The following BIRC3 variants were observed in gnomAD, a reference collection of about 807,000 sequenced individuals.
BIRC3 encodes the protein baculoviral IAP repeat containing 3, also known as baculoviral IAP repeat-containing protein 3.
Under a neutral mutation model 59.0 loss-of-function variants are expected in BIRC3, and 26 were observed. The observed-to-expected ratio is 0.44, with a 90% confidence interval of 0.32 to 0.61. The LOEUF is 0.61. BIRC3 is among the 20% of genes least tolerant of loss of function. The probability of loss-of-function intolerance (pLI) is 0.04; values close to 1 mark genes in which losing one functional copy is unlikely to be tolerated. For missense variants in BIRC3, 641 were observed against 711.5 expected, an observed-to-expected ratio of 0.90 and a Z score of 1.13; for synonymous variants, 243 against 249.2, an observed-to-expected ratio of 0.98 and a Z score of 0.24.
In BIRC3 at chr11:102,337,100, TG is replaced by T. The variant is rs761837224; in HGVS notation, c.1814del (p.Ter605=). The T allele has an allele frequency of 1.1e-5, 16 of 1,489,400 alleles. No individual in the cohort carries two copies. The highest frequency in any genetic ancestry group is 1.3e-5 in the Non-Finnish European group (15 of 1,125,756). 92.3% of individuals were successfully genotyped at this position (1,489,400 alleles called of 1,614,324 possible). On this transcript the variant is annotated frameshift_variant and stop_lost, in exon 9 of 9. Coordinates refer to ENST00000263464, the MANE Select transcript of BIRC3 (RefSeq NM_001165.5). LOFTEE classifies it high-confidence loss of function. ...GGGTACAGTTCGTACATTTCTTTCATGAAGAAGAACCAAAACATCGTCTAAA... is the reference window on the plus strand; with the variant it reads ...GGGTACAGTTCGTACATTTCTTTCATAAGAAGAACCAAAACATCGTCTAAA... ...IKGTVRTFLS[*>X]
intron 5 of BIRC3, among the ~76,000 whole-genome samples, 178 bp from the exon 6 acceptor site, chr11:102,330,821 C>G (rs1212676746): frequency 1.3e-5 from 2 of 152,156 alleles, no homozygotes; most frequent in African/African-American, 4.8e-5. Context: ...TATTTAATGA[C>G]TGAACGTGTA....
chr11:102,318,643 T>C (rs1169618636), intron 1 of BIRC3, among the ~76,000 whole-genome samples: 1 of 152,062 alleles, frequency 6.6e-6, no homozygotes, highest in Non-Finnish European at 1.5e-5. Context: ...GCCCAAAGGG[T>C]AGGGATGCCC....
Position 102,337,041 on chromosome 11 carries a change from T to A in BIRC3, c.1754T>A (p.Leu585Ter), listed in dbSNP as rs1224146569. ...LVVCKDCAPS[L>*]RKCPICRSTI... ...GTATGCAAAGATTGTGCTCCTTCTT[T>A]AAGAAAGTGTCCTATTTGTAGGAGT... Residue 585 changes from leucine (L) to a stop codon, truncating the protein, a stop_gained, in exon 9 of 9, where the codon TTA (leucine) becomes TAA (stop). Transcript: ENST00000263464. LOFTEE classifies it high-confidence loss of function. 1 of 1,598,678 alleles carries A rather than the reference T, an allele frequency of 6.3e-7. No homozygotes were observed. Among genetic ancestry groups the A allele is most frequent in the Non-Finnish European group, 8.5e-7 (1 of 1,176,614 alleles).
chr11:102,318,560 C>T (rs1409059157), intron 1 of BIRC3, among the ~76,000 whole-genome samples: 1 of 152,196 alleles, frequency 6.6e-6, no homozygotes, highest in Non-Finnish European at 1.5e-5. Context: ...TCTAAAAGAG[C>T]TTACTGTCTA....
chr11:102,334,562 T>C (rs1276305118), intron 6 of BIRC3, among the ~76,000 whole-genome samples: 1 of 152,198 alleles, frequency 6.6e-6, no homozygotes, highest in Non-Finnish European at 1.5e-5. Context: ...ACAAAGTCAG[T>C]GTATCTAAAA....
At position 102,323,348 on chromosome 11, in the gene BIRC3, T is replaced by C. The variant is rs1174748876; in HGVS notation, c.-1162T>C. On this transcript the variant is annotated 5_prime_UTR_variant, in exon 2 of 9. Coordinates refer to ENST00000263464, the MANE Select transcript of BIRC3 (RefSeq NM_001165.5). Reference sequence around the variant, plus strand: ...CAATGAAGTTCAGTTTTGTTATTGGTAGTTTGGGCAGAGTCTCTTTTTGCA... The same window carrying C: ...CAATGAAGTTCAGTTTTGTTATTGGCAGTTTGGGCAGAGTCTCTTTTTGCA... 1.6e-5 allele frequency: 3 copies of C among 193,410 alleles called. No individual in the cohort carries two copies. In the South Asian group the frequency reaches 5.8e-4, roughly 37 times the overall value. The allele number at this position is 193,410 out of a possible 1,614,324, so 12.0% of individuals were successfully genotyped here. A position where few individuals can be genotyped will look rare whatever the true frequency, so the allele number is the denominator to read the frequency against.
rs779632081 is a variant in BIRC3 at position 102,325,145 on chromosome 11, G to T, written c.636G>T (p.Leu212Phe). 1 of 1,613,844 alleles carries T rather than the reference G, an allele frequency of 6.2e-7. No individual in the cohort carries two copies. The highest frequency in any genetic ancestry group is 8.5e-7 in the Non-Finnish European group (1 of 1,179,896). ...CTTGCTTTGCCTGTGGTGGAAAATT[G>T]AGCAATTGGGAACCGAAGGATAATG... ...RVACFACGGK[L>F]SNWEPKDNAM... Residue 212 changes from leucine to phenylalanine, a missense_variant, in exon 2 of 9, where the codon TTG becomes TTT. Physicochemically the swap from Leu to Phe is conservative, Grantham distance 22. Transcript: ENST00000263464.
Position 102,324,963 on chromosome 11 carries a change from C to A in BIRC3, c.454C>A (p.Gln152Lys). The part of the protein sequence containing the change: ...PSNPVNSRAN[Q>K]DFSALMRSSY... ...AAATCCTGTAAACTCCAGAGCAAAT[C>A]AAGATTTTTCTGCCTTGATGAGAAG... The change falls in exon 2 of 9, where the codon CAA (glutamine) becomes AAA (lysine). Residue 152 changes from glutamine (Q) to lysine (K), a missense_variant. Coordinates refer to ENST00000263464, the MANE Select transcript of BIRC3 (RefSeq NM_001165.5). 1 of 1,614,146 alleles carries A rather than the reference C, an allele frequency of 6.2e-7. No homozygotes were observed. The highest frequency in any genetic ancestry group is 8.5e-7 in the Non-Finnish European group (1 of 1,180,018).
rs1002090542 is a variant in BIRC3, at chr11:102,323,547, G to A, written c.-963G>A. The A allele has an allele frequency of 2.3e-4, 43 of 187,626 alleles. No homozygotes were observed. The highest frequency in any genetic ancestry group is 5.6e-5 in the Non-Finnish European group (5 of 89,036). 11.6% of individuals were successfully genotyped at this position (187,626 alleles called of 1,614,324 possible). ...TTTATTTTAAATAGAATATTTAATT[G>A]TGTAAGATCTAATAGTATCATTATA... On this transcript the variant is annotated 5_prime_UTR_variant, in exon 2 of 9. In the 5' UTR this introduces an upstream ATG that the reference lacks. Coordinates refer to ENST00000263464, the MANE Select transcript of BIRC3 (RefSeq NM_001165.5).
intron 3 of BIRC3, chr11:102,326,894 G>C (rs1439951789): frequency 2.4e-6 from 1 of 408,680 alleles, no homozygotes; most frequent in Non-Finnish European, 4.9e-6. Flanking sequence ...TTTTTGTAGA[G>C]ACAGGGTTTC....
At chr11:102,333,711 A>G (rs371184004) in intron 6 of BIRC3, among the ~76,000 whole-genome samples, 7 of 152,204 alleles carry the variant, frequency 4.6e-5, no homozygotes, top group African/African-American at 1.7e-4. Flanking sequence ...GCACCGCTGC[A>G]CTCCAGCCTG....
intron 3 of BIRC3, chr11:102,326,643 T>A: frequency 4.5e-6 from 2 of 447,150 alleles, no homozygotes; most frequent in Non-Finnish European, 8.9e-6. Context: ...ACTGTTTTTT[T>A]TCTAAATGGG....
At chr11:102,320,070 T>G (rs1565320246) in intron 1 of BIRC3, 1 of 152,080 alleles carries the variant, frequency 6.6e-6, no homozygotes, top group Middle Eastern at 3.4e-3. Flanking sequence ...GGTTTCACCA[T>G]GTTGGCCAGC....
At chr11:102,335,069 C>T (rs1951182517) in intron 6 of BIRC3, among the ~76,000 whole-genome samples, 2 of 152,074 alleles carry the variant, frequency 1.3e-5, no homozygotes, top group Admixed American at 1.3e-4. Context: ...GGTGAAACCT[C>T]ATCTCTACTA....
At chr11:102,327,986 A>T in intron 3 of BIRC3, 66 bp from the exon 4 acceptor site, 1 of 1,290,670 alleles carries the variant, frequency 7.7e-7, no homozygotes. Flanking sequence ...TGAGAAATTT[A>T]TGTTATTACA....
chr11:102,322,572 AAAG>A lies in BIRC3; in HGVS notation c.-1933_-1931del, dbSNP rs1478979629. 3 of 206,280 alleles carry A rather than the reference AAAG, an allele frequency of 1.5e-5. No individual in the cohort carries two copies. In the Admixed American group the frequency reaches 1.8e-4, roughly 12 times the overall value. 12.8% of individuals were successfully genotyped at this position (206,280 alleles called of 1,614,324 possible). ...TTAATATAAAGACAGTGATGAATAC[AAAG>A]AAGATTTTTATAACAATGTGTAAAA... is the stretch of plus-strand genomic sequence containing the variant. On this transcript the variant is annotated 5_prime_UTR_variant, in exon 2 of 9. Coordinates refer to ENST00000263464, the MANE Select transcript of BIRC3 (RefSeq NM_001165.5).
Position 102,321,503 on chromosome 11 carries a change from T to C in BIRC3, c.-2673-334T>C, listed in dbSNP as rs188578012. ...CGGAGTAGCTGGGATTACAGGCGCG[T>C]ACCACCACACCCAGCTAATTTTTGT... On this transcript the variant is annotated intron_variant, in intron 1 of 8. Coordinates refer to ENST00000263464, the MANE Select transcript of BIRC3 (RefSeq NM_001165.5). 1.2e-3 allele frequency among the ~76,000 whole-genome samples: 188 copies of C among 152,222 alleles called. 1 individual carries two copies. The highest frequency in any genetic ancestry group is 4.3e-3 in the African/African-American group (179 of 41,546).
Position 102,337,598 on chromosome 11 carries a change from ACATTTCT to A in BIRC3, c.*498_*504del. ...AGAACAAAAACAAAACACCAGGGAC[ACATTTCT>A]CTGTCTTTTTTGATCAGTGTCCTAT... is the stretch of plus-strand genomic sequence containing the variant. On this transcript the variant is annotated 3_prime_UTR_variant, in exon 9 of 9. Transcript: ENST00000263464. The A allele has an allele frequency of 1.1e-5, 4 of 368,878 alleles. No homozygotes were observed. Among genetic ancestry groups the A allele is most frequent in the Non-Finnish European group, 1.9e-5 (4 of 207,064 alleles). The allele number at this position is 368,878 out of a possible 1,614,324, so 22.9% of individuals were successfully genotyped here.
chr11:102,339,112 T>C lies in BIRC3; in HGVS notation c.*2010T>C. The C allele has an allele frequency of 4.8e-6, 1 of 207,854 alleles. No individual in the cohort carries two copies. The highest frequency in any genetic ancestry group is 2.3e-5 in the African/African-American group (1 of 43,976). 12.9% of individuals were successfully genotyped at this position (207,854 alleles called of 1,614,324 possible). On this transcript the variant is annotated 3_prime_UTR_variant, in exon 9 of 9. Coordinates refer to ENST00000263464, the MANE Select transcript of BIRC3 (RefSeq NM_001165.5). Reference sequence around the variant, plus strand: ...GCTACCCATGTACTAGCCAGTGTCCTGCATGGGTGCTAGGCTGAATTATTT... The same window carrying C: ...GCTACCCATGTACTAGCCAGTGTCCCGCATGGGTGCTAGGCTGAATTATTT...
Sources: allele counts gnomAD v4.1 joint callset (sites outside exome capture counted in the v4.1 genomes callset), GRCh38; gene constraint gnomAD v4.1.1; transcripts MANE v1.5; gene names NCBI Gene and HGNC (gene_info 2026-07-23, HGNC 2026-07-21).